KIAA0586: variants seen among roughly 807,000 people sequenced by gnomAD.
The protein encoded by KIAA0586 is KIAA0586, also known as protein TALPID3.
In KIAA0586, 144 loss-of-function variants were observed where a neutral mutation model predicts 169.8. That is an observed-to-expected ratio of 0.85 (90% CI 0.74 to 0.97). The LOEUF (loss-of-function observed/expected upper bound fraction) is 0.97. Among genes scored for constraint, KIAA0586 ranks in the 50% least tolerant of loss-of-function variants. The pLI is 0.00. For missense variants in KIAA0586, 1,854 were observed against 1,823.0 expected (o/e 1.02, Z -0.31); for synonymous variants, 625 against 612.4 (o/e 1.02, Z -0.30).
Position 58,429,375 on chromosome 14 carries a change from T to TA in KIAA0586, c.214dup (p.Thr72AsnfsTer4). Reference sequence around the variant, plus strand: ...TTTGTTTTGTTAGGTTCATCAGACTTAACTTCTGCTAGAAATTGTTACCAG... The same window carrying TA: ...TTTGTTTTGTTAGGTTCATCAGACTTAAACTTCTGCTAGAAATTGTTACCAG... On this transcript the variant is annotated frameshift_variant, in exon 2 of 31. Coordinates refer to ENST00000652326, the MANE Select transcript of KIAA0586 (RefSeq NM_001329943.3). LOFTEE classifies it high-confidence loss of function. 1 of 1,591,850 alleles carries TA rather than the reference T, an allele frequency of 6.3e-7. No homozygotes were observed. The highest frequency in any genetic ancestry group is 8.6e-7 in the Non-Finnish European group (1 of 1,159,968).
intron 17 of KIAA0586, among the ~76,000 whole-genome samples, chr14:58,471,793 T>G (rs2041231475): frequency 6.6e-6 from 1 of 152,170 alleles, no homozygotes; most frequent in African/African-American, 2.4e-5. Flanking sequence ...GTAAAATGAC[T>G]ATTTTGTTTT....
intron 1 of KIAA0586, 83 bp downstream of exon 1, chr14:58,428,546 A>C: frequency 9.7e-7 from 1 of 1,033,738 alleles, no homozygotes; most frequent in Admixed American, 2.3e-5. Context: ...CAAACGTAAG[A>C]TATAAGTCTA....
At chr14:58,542,864 G>A (rs187463189) in intron 30 of KIAA0586, among the ~76,000 whole-genome samples, 28 of 152,196 alleles carry the variant, frequency 1.8e-4, no homozygotes, top group Non-Finnish European at 3.5e-4. Context: ...GAAGTCAGCC[G>A]GGCGTGGTGG....
chr14:58,497,646 C>T (rs1317103215), intron 26 of KIAA0586, among the ~76,000 whole-genome samples: 1 of 151,796 alleles, frequency 6.6e-6, no homozygotes, highest in Non-Finnish European at 1.5e-5. Flanking sequence ...GTGTGAGCCA[C>T]CACGCCAGGC....
chr14:58,471,482 A>C (rs776022103), intron 17 of KIAA0586, among the ~76,000 whole-genome samples: 82 of 152,352 alleles, frequency 5.4e-4, no homozygotes, highest in Non-Finnish European at 1.1e-3. Flanking sequence ...ACTACACAGC[A>C]AAATAGCACT....
At chr14:58,527,556 A>C (rs1170654602) in intron 29 of KIAA0586, among the ~76,000 whole-genome samples, 1 of 152,206 alleles carries the variant, frequency 6.6e-6, no homozygotes, top group Non-Finnish European at 1.5e-5. Context: ...AATATTCAGC[A>C]GTCTTAAATA....
chr14:58,498,165 C>G (rs527794121), intron 26 of KIAA0586, among the ~76,000 whole-genome samples: 1 of 151,920 alleles, frequency 6.6e-6, no homozygotes, highest in African/African-American at 2.4e-5. Context: ...CATGAGCCAC[C>G]GTGCCCAGCT....
At chr14:58,473,874 C>T (rs1457665578) in intron 18 of KIAA0586, among the ~76,000 whole-genome samples, 1 of 151,952 alleles carries the variant, frequency 6.6e-6, no homozygotes. Context: ...CCATTGGACT[C>T]CAGCCTGGGT....
downstream of KIAA0586, among the ~76,000 whole-genome samples, chr14:58,555,176 C>G (rs2047235631): frequency 6.9e-6 from 1 of 144,486 alleles, no homozygotes; most frequent in African/African-American, 2.6e-5. Flanking sequence ...TCTCGGCTCA[C>G]TTCAACCTCC....
chr14:58,559,875 G>A, the KIAA0586 span, among the ~76,000 whole-genome samples: 1 of 152,068 alleles, frequency 6.6e-6, no homozygotes, highest in African/African-American at 2.4e-5. Context: ...GGCCCCAGCC[G>A]GGCGCGGTGG....
intron 14 of KIAA0586, among the ~76,000 whole-genome samples, 191 bp downstream of exon 14, chr14:58,461,351 T>C (rs990607348): frequency 6.6e-6 from 1 of 152,082 alleles, no homozygotes; most frequent in Non-Finnish European, 1.5e-5. Context: ...AGACACAAGA[T>C]AGGAATAATT....
chr14:58,505,911 G>C (rs1452399269), intron 27 of KIAA0586, among the ~76,000 whole-genome samples: 2 of 152,008 alleles, frequency 1.3e-5, no homozygotes, highest in African/African-American at 2.4e-5. Flanking sequence ...AAATTTATAT[G>C]TAGATATTTC....
chr14:58,508,713 C>G lies in KIAA0586; in HGVS notation c.4323+4C>G. 2 of 1,573,982 alleles carry G rather than the reference C, an allele frequency of 1.3e-6. No individual in the cohort carries two copies. The highest frequency in any genetic ancestry group is 1.7e-6 in the Non-Finnish European group (2 of 1,157,228). Reference sequence around the variant, plus strand: ...AGCCGCTGAAGATTTTTCCCAGGTACCAAATTAATAGCACTTGTATTTTAC... The same window carrying G: ...AGCCGCTGAAGATTTTTCCCAGGTAGCAAATTAATAGCACTTGTATTTTAC... On this transcript the variant is annotated splice_donor_region_variant and intron_variant, in intron 28 of 30. Transcript: ENST00000652326.
chr14:58,455,408 G>C (rs753269860), intron 9 of KIAA0586, among the ~76,000 whole-genome samples: 7 of 152,058 alleles, frequency 4.6e-5, no homozygotes, highest in Non-Finnish European at 1.0e-4. Flanking sequence ...ATAAATTTTT[G>C]TTGAAAACTG....
At chr14:58,483,863 TA>T (rs1352096059) in intron 21 of KIAA0586, among the ~76,000 whole-genome samples, 3 of 152,208 alleles carry the variant, frequency 2.0e-5, no homozygotes, top group South Asian at 2.1e-4. Flanking sequence ...TGTATAAAGT[TA>T]TATACTGTAT....
chr14:58,506,204 G>C (rs2043928528), intron 27 of KIAA0586, among the ~76,000 whole-genome samples: 1 of 151,546 alleles, frequency 6.6e-6, no homozygotes, highest in African/African-American at 2.4e-5. Context: ...AGTCACATAG[G>C]AATAGAAAAA....
At chr14:58,537,389 G>A (rs985475048) in intron 29 of KIAA0586, among the ~76,000 whole-genome samples, 1 of 152,216 alleles carries the variant, frequency 6.6e-6, no homozygotes, top group African/African-American at 2.4e-5. Context: ...TAAGATCCTT[G>A]ATCAACTCAA....
At chr14:58,535,211 A>G (rs554110244) in intron 29 of KIAA0586, among the ~76,000 whole-genome samples, 49 of 152,298 alleles carry the variant, frequency 3.2e-4, no homozygotes, top group Non-Finnish European at 5.6e-4. Context: ...GAATGATCTG[A>G]GAGGAATTTG....
rs371534757 is a variant in KIAA0586, at chr14:58,484,256, C to T, written c.3144+1544C>T. On this transcript the variant is annotated intron_variant, in intron 21 of 30. Transcript: ENST00000652326. ...AATATGTAGTAGGGCAAGCACTACT[C>T]GCAGCCTGCAACTTATCATTCTTTA... 2.6e-5 allele frequency among the ~76,000 whole-genome samples: 4 copies of T among 152,276 alleles called. 1 individual carries two copies.
Sources: gnomAD v4.1 joint callset for allele counts (sites outside exome capture counted in the v4.1 genomes callset) on GRCh38, gnomAD v4.1.1 for gene constraint, MANE v1.5 for transcripts, NCBI Gene and HGNC (gene_info 2026-07-23, HGNC 2026-07-21) for gene names.